Variants in LNX1 observed in about 807,000 individuals in gnomAD.
The protein encoded by LNX1 is E3 ubiquitin-protein ligase LNX.
LNX1 carries 54 observed loss-of-function variants against 68.4 expected under a neutral mutation model. The ratio of observed to expected loss-of-function variants is 0.79; its 90% confidence interval spans 0.63 to 0.99. The LOEUF is 0.99. LNX1 is among the 50% of genes least tolerant of loss of function. The probability of loss-of-function intolerance (pLI) is 0.00; values close to 1 mark genes in which losing one functional copy is unlikely to be tolerated. For missense variants in LNX1, 906 were observed against 926.4 expected (o/e 0.98, Z 0.29); for synonymous variants, 336 against 350.0 (o/e 0.96, Z 0.45).
At chr4:53,603,845 A>G (rs1191281816) in intron 2 of LNX1, 3 of 152,174 alleles carry the variant, frequency 2.0e-5, no homozygotes, top group African/African-American at 7.2e-5. Flanking sequence ...TATCCAGACT[A>G]TATCGGGGCT....
At chr4:53,635,043 T>C (rs375522456) in intron 1 of LNX1, among the ~76,000 whole-genome samples, 12 of 152,182 alleles carry the variant, frequency 7.9e-5, no homozygotes, top group Admixed American at 4.6e-4. Flanking sequence ...TTGCCCAGGC[T>C]GGTCTCAAAC....
At chr4:53,574,263 C>A (rs1177215355) in intron 1 of LNX1, among the ~76,000 whole-genome samples, 175 bp from the exon 2 acceptor site, 1 of 152,220 alleles carries the variant, frequency 6.6e-6, no homozygotes, top group Non-Finnish European at 1.5e-5. Flanking sequence ...CCCATGGCCT[C>A]CTCGTGCCTC....
At chr4:53,537,552 G>A (rs545851846) in intron 2 of LNX1, among the ~76,000 whole-genome samples, 2 of 152,172 alleles carry the variant, frequency 1.3e-5, no homozygotes, top group African/African-American at 2.4e-5. Flanking sequence ...CATTTTTTAT[G>A]TTCCTTTAGT....
chr4:53,537,030 G>A (rs552627807), intron 2 of LNX1, among the ~76,000 whole-genome samples: 81 of 152,156 alleles, frequency 5.3e-4, no homozygotes, highest in African/African-American at 1.9e-3. Flanking sequence ...TTTTTATAAC[G>A]TGAGCCACTA....
intron 2 of LNX1, among the ~76,000 whole-genome samples, chr4:53,614,597 T>C (rs543758129): frequency 6.6e-6 from 1 of 152,286 alleles, no homozygotes; most frequent in African/African-American, 2.4e-5. Flanking sequence ...AATGACCAAT[T>C]GCTCTTAAGG....
chr4:53,540,809 G>A (rs1305956527), intron 2 of LNX1, among the ~76,000 whole-genome samples: 1 of 152,188 alleles, frequency 6.6e-6, no homozygotes. Context: ...TTTGTCTTTA[G>A]TAAAATAAGG....
At chr4:53,624,545 C>T in intron 1 of LNX1, among the ~76,000 whole-genome samples, 1 of 152,166 alleles carries the variant, frequency 6.6e-6, no homozygotes, top group East Asian at 1.9e-4. Context: ...TCAGGTGTGT[C>T]TTTATCAGCA....
chr4:53,637,697 C>A (rs1358489459), intron 1 of LNX1, among the ~76,000 whole-genome samples: 1 of 152,040 alleles, frequency 6.6e-6, no homozygotes, highest in Non-Finnish European at 1.5e-5. Flanking sequence ...AATTAATCCA[C>A]AACACACCAT....
intron 2 of LNX1, among the ~76,000 whole-genome samples, chr4:53,608,520 T>C (rs933030249): frequency 6.6e-5 from 10 of 152,086 alleles, no homozygotes; most frequent in African/African-American, 2.4e-4. Flanking sequence ...GGTGGGAAGG[T>C]AAATTAGTTC....
intron 9 of LNX1, among the ~76,000 whole-genome samples, chr4:53,466,663 T>G (rs1036867452): frequency 3.9e-5 from 6 of 152,224 alleles, no homozygotes; most frequent in African/African-American, 1.4e-4. Flanking sequence ...TCCAATGGGC[T>G]TAACAAACAG....
chr4:53,467,093 C>G (rs569911649), intron 9 of LNX1, among the ~76,000 whole-genome samples: 4 of 152,320 alleles, frequency 2.6e-5, no homozygotes, highest in Non-Finnish European at 4.4e-5. Context: ...AGGCACCCCC[C>G]AGTAGGGGCG....
intron 2 of LNX1, among the ~76,000 whole-genome samples, chr4:53,610,730 A>AAAAAG (rs1733456056): frequency 6.6e-6 from 1 of 151,288 alleles, no homozygotes; most frequent in African/African-American, 2.4e-5. Context: ...AAAAAAAAAA[A>AAAAAG]AAAGAAATAA....
intron 4 of LNX1, 88 bp downstream of exon 4, chr4:53,507,229 A>G: frequency 7.2e-7 from 1 of 1,384,552 alleles, no homozygotes; most frequent in East Asian, 2.3e-5. Flanking sequence ...GGGTCACAGA[A>G]GGTGGAAGGT....
upstream of LNX1, among the ~76,000 whole-genome samples, chr4:53,595,831 T>G (rs1213886327): frequency 2.0e-5 from 3 of 152,168 alleles, no homozygotes; most frequent in African/African-American, 7.2e-5. Flanking sequence ...GACCATGCCT[T>G]GTGATTCAGC....
intron 1 of LNX1, among the ~76,000 whole-genome samples, chr4:53,580,903 T>A (rs994838794): frequency 6.6e-6 from 1 of 152,120 alleles, no homozygotes; most frequent in African/African-American, 2.4e-5. Flanking sequence ...AAAAGGGAAA[T>A]GAAAACCATT....
At chr4:53,645,408 T>C (rs1426881075) in intron 1 of LNX1, among the ~76,000 whole-genome samples, 1 of 152,174 alleles carries the variant, frequency 6.6e-6, no homozygotes, top group Non-Finnish European at 1.5e-5. Flanking sequence ...CATTAAGTTG[T>C]CAGTGTGCAC....
intron 9 of LNX1, among the ~76,000 whole-genome samples, chr4:53,465,824 C>T (rs1295375615): frequency 6.6e-6 from 1 of 152,134 alleles, no homozygotes; most frequent in Non-Finnish European, 1.5e-5. Context: ...CACAGATTCA[C>T]CCAATGTTTC....
chr4:53,472,006 T>G (rs1486373484), intron 9 of LNX1, among the ~76,000 whole-genome samples: 1 of 152,202 alleles, frequency 6.6e-6, no homozygotes, highest in East Asian at 1.9e-4. Context: ...CAAAGGATTA[T>G]AAATCATGCT....
chr4:53,500,983 G>A (rs765180189), intron 4 of LNX1, among the ~76,000 whole-genome samples: 9 of 151,986 alleles, frequency 5.9e-5, no homozygotes, highest in Middle Eastern at 3.2e-3. Context: ...AACCTAAACC[G>A]CTAGAGAATG....
Sources: allele counts gnomAD v4.1 joint callset (sites outside exome capture counted in the v4.1 genomes callset), GRCh38; gene constraint gnomAD v4.1.1; transcripts MANE v1.5; gene names NCBI Gene and HGNC (gene_info 2026-07-23, HGNC 2026-07-21).